Variants in TEX11 observed in about 807,000 individuals in gnomAD.
TEX11 encodes the protein testis expressed 11, also known as testis-expressed protein 11.
In TEX11, 7 loss-of-function variants were observed where a neutral mutation model predicts 84.4. The ratio of observed to expected loss-of-function variants is 0.08; its 90% confidence interval spans 0.05 to 0.16. The LOEUF (loss-of-function observed/expected upper bound fraction) is 0.16. Ranked by LOEUF, TEX11 falls within the 10% of genes least tolerant of loss-of-function variation. TEX11 has a pLI of 1.00. For synonymous variants in TEX11, 264 were observed against 222.8 expected (o/e 1.18, Z -1.64); for missense variants, 551 against 660.5 (o/e 0.83, Z 1.82).
intron 5 of TEX11, among the ~76,000 whole-genome samples, chrX:70,858,167 T>A (rs746584469): frequency 9.1e-6 from 1 of 109,544 alleles, no homozygotes; most frequent in East Asian, 2.9e-4. Flanking sequence ...AACTTACTCA[T>A]GGCCGGATGC....
At chrX:70,861,070 T>TTTTTTTTTGAGA (rs2091566063) in intron 4 of TEX11, 134 bp from the exon 5 acceptor site, 1 of 377,489 alleles carries the variant, frequency 2.6e-6, no homozygotes, top group South Asian at 3.9e-5. Context: ...CCTTTTTTTT[T>TTTTTTTTTGAGA]TTTTTTTTTG....
At chrX:70,524,103 T>C (rs951154627), downstream of TEX11, among the ~76,000 whole-genome samples, 2 of 111,818 alleles carry the variant, frequency 1.8e-5, no homozygotes, top group African/African-American at 3.3e-5. Context: ...AAAGTGTAGA[T>C]AGTACAATTA....
chrX:70,813,050 C>T (rs1410253618), intron 8 of TEX11, among the ~76,000 whole-genome samples: 1 of 111,461 alleles, frequency 9.0e-6, no homozygotes, highest in Non-Finnish European at 1.9e-5. Flanking sequence ...CCTTCTGAAA[C>T]CATTTCAATC....
intron 13 of TEX11, among the ~76,000 whole-genome samples, chrX:70,690,367 C>A (rs747282996): frequency 1.8e-5 from 2 of 111,433 alleles, no homozygotes; most frequent in Non-Finnish European, 3.8e-5. Flanking sequence ...ACTATCTTCC[C>A]AATTTTTCTG....
intron 9 of TEX11, among the ~76,000 whole-genome samples, chrX:70,753,905 C>T (rs2090848053): frequency 9.3e-6 from 1 of 108,044 alleles, no homozygotes; most frequent in Non-Finnish European, 1.9e-5. Context: ...CATCTGCTAA[C>T]CAAAGAGCCC....
intron 16 of TEX11, among the ~76,000 whole-genome samples, chrX:70,652,824 G>C (rs190172756): frequency 9.0e-6 from 1 of 111,333 alleles, no homozygotes; most frequent in Non-Finnish European, 1.9e-5. Flanking sequence ...AGCACAGAGC[G>C]ATTACAAACA....
chrX:70,576,769 A>G (rs2088679413), intron 25 of TEX11, among the ~76,000 whole-genome samples: 1 of 112,736 alleles, frequency 8.9e-6, no homozygotes, highest in South Asian at 3.6e-4. Context: ...ATTTGTGTAC[A>G]CATACACACA....
At chrX:70,880,842 C>T (rs1198164686) in intron 2 of TEX11, among the ~76,000 whole-genome samples, 3 of 108,413 alleles carry the variant, frequency 2.8e-5, no homozygotes, top group Non-Finnish European at 5.7e-5. Context: ...CTCCAGACTC[C>T]AAATAGCTGA....
chrX:70,770,118 C>T (rs912019831), intron 9 of TEX11, among the ~76,000 whole-genome samples: 2 of 110,983 alleles, frequency 1.8e-5, no homozygotes, highest in Non-Finnish European at 3.8e-5. Context: ...GATCACATTG[C>T]CTAATAATGT....
intron 8 of TEX11, among the ~76,000 whole-genome samples, chrX:70,812,642 A>G (rs181736203): frequency 0.017 from 1,904 of 111,521 alleles, 30 homozygotes; most frequent in African/African-American, 0.057. Context: ...CCTTCAAAAA[A>G]TTAATGAATC....
chrX:70,670,606 G>A (rs1158914625), intron 15 of TEX11, 92 bp from the exon 16 acceptor site: 2 of 1,028,459 alleles, frequency 1.9e-6, no homozygotes, highest in Non-Finnish European at 2.6e-6. Context: ...GATGCTGTTG[G>A]TTTCTTTTTT....
At position 70,868,729 on chromosome X, in the gene TEX11, G is replaced by T. The variant is rs1443504537; in HGVS notation, c.244+4494C>A. On this transcript the variant is annotated intron_variant, in intron 4 of 29. Transcript: ENST00000374333. Reference sequence around the variant, plus strand: ...AGAATGAGTGCATGTCCTTTGCGGGGACATGGATGAAACTGGAAACCATCA... The same window carrying T: ...AGAATGAGTGCATGTCCTTTGCGGGTACATGGATGAAACTGGAAACCATCA... 2.7e-5 allele frequency among the ~76,000 whole-genome samples: 3 copies of T among 110,967 alleles called. No individual in the cohort carries two copies. The Admixed American group carries it at 2.9e-4, about 11-fold the overall frequency.
chrX:70,875,805 T>C (rs1004124107), intron 3 of TEX11, among the ~76,000 whole-genome samples: 4 of 111,365 alleles, frequency 3.6e-5, no homozygotes, highest in Non-Finnish European at 7.5e-5. Context: ...GAAAACTATG[T>C]TTTTAACACG....
intron 13 of TEX11, among the ~76,000 whole-genome samples, chrX:70,715,337 C>T (rs1182963849): frequency 9.0e-6 from 1 of 111,610 alleles, no homozygotes; most frequent in Non-Finnish European, 1.9e-5. Flanking sequence ...TGAATGCTGG[C>T]CTGCCTTGCT....
At chrX:70,675,183 G>A (rs1233235288) in intron 15 of TEX11, among the ~76,000 whole-genome samples, 6 of 111,121 alleles carry the variant, frequency 5.4e-5, no homozygotes, top group African/African-American at 2.0e-4. Flanking sequence ...TAAAGAGATT[G>A]TAATAATACG....
At chrX:70,877,096 C>A (rs1486497543) in intron 3 of TEX11, among the ~76,000 whole-genome samples, 2 of 110,613 alleles carry the variant, frequency 1.8e-5, no homozygotes, top group Non-Finnish European at 3.8e-5. Flanking sequence ...GAGTTCGAAA[C>A]CAGCCTGGCC....
the TEX11 span, among the ~76,000 whole-genome samples, chrX:70,514,456 G>A: frequency 5.5e-5 from 6 of 110,049 alleles, no homozygotes; most frequent in Admixed American, 5.8e-4. Context: ...TTAGCCAGGC[G>A]TGGTGGCGGG....
chrX:70,592,789 A>G (rs764829068), intron 24 of TEX11, among the ~76,000 whole-genome samples: 1 of 111,384 alleles, frequency 9.0e-6, no homozygotes, highest in African/African-American at 3.3e-5. Context: ...GCAGATCTAT[A>G]GCACTCCCTA....
chrX:70,661,438 C>T (rs1163025917), intron 16 of TEX11, among the ~76,000 whole-genome samples: 3 of 112,614 alleles, frequency 2.7e-5, no homozygotes, highest in Non-Finnish European at 5.6e-5. Context: ...CTGTAGACTC[C>T]ACCTCTGGGG....
Sources: gnomAD v4.1 joint callset for allele counts (sites outside exome capture counted in the v4.1 genomes callset) on GRCh38, gnomAD v4.1.1 for gene constraint, MANE v1.5 for transcripts, NCBI Gene and HGNC (gene_info 2026-07-23, HGNC 2026-07-21) for gene names.